The following PPP1R14D variants were observed in gnomAD, a reference collection of about 807,000 sequenced individuals.
The protein encoded by PPP1R14D is protein phosphatase 1 regulatory subunit 14D.
Under a neutral mutation model 17.1 loss-of-function variants are expected in PPP1R14D, and 14 were observed. That is an observed-to-expected ratio of 0.82 (90% confidence interval 0.54 to 1.28). PPP1R14D has a LOEUF of 1.28. Ranked by LOEUF, PPP1R14D falls within the 50% of genes most tolerant of loss-of-function variation. The probability of loss-of-function intolerance (pLI) is 0.00; values close to 1 mark genes in which losing one functional copy is unlikely to be tolerated. For synonymous variants in PPP1R14D, 67 were observed against 66.1 expected, an observed-to-expected ratio of 1.01 and a Z score of -0.06; for missense variants, 173 against 179.2, an observed-to-expected ratio of 0.97 and a Z score of 0.20.
At chr15:40,822,016 G>T (rs4402538) in intron 1 of PPP1R14D, among the ~76,000 whole-genome samples, 44,044 of 151,922 alleles carry the variant, frequency 0.29, 7,236 homozygotes, top group South Asian at 0.45. Context: ...AGTGGCTTAT[G>T]CCTGTAATCC....
chr15:40,817,022 G>A (rs1306677058), intron 1 of PPP1R14D, among the ~76,000 whole-genome samples: 2 of 152,044 alleles, frequency 1.3e-5, no homozygotes, highest in Non-Finnish European at 2.9e-5. Context: ...AGTGAGCGGA[G>A]ATCGTGCCAC....
intron 1 of PPP1R14D, among the ~76,000 whole-genome samples, chr15:40,818,897 A>G (rs1306934966): frequency 1.3e-5 from 2 of 152,200 alleles, no homozygotes; most frequent in African/African-American, 4.8e-5. Context: ...ATTGTAACAA[A>G]TAATATATAA....
At chr15:40,816,065 A>G (rs1349427036) in intron 2 of PPP1R14D, 71 bp from the exon 3 acceptor site, 1 of 1,604,554 alleles carries the variant, frequency 6.2e-7, no homozygotes, top group Non-Finnish European at 8.5e-7. Context: ...CAATCTCCCA[A>G]GAATTCTCCC....
intron 1 of PPP1R14D, among the ~76,000 whole-genome samples, chr15:40,818,585 A>G (rs1890716869): frequency 6.6e-6 from 1 of 152,038 alleles, no homozygotes; most frequent in African/African-American, 2.4e-5. Context: ...GCAGAAAAGT[A>G]GAGACCCTGT....
chr15:40,821,398 G>A (rs1890774066), intron 1 of PPP1R14D, among the ~76,000 whole-genome samples: 1 of 151,620 alleles, frequency 6.6e-6, no homozygotes, highest in Non-Finnish European at 1.5e-5. Context: ...TATTTTAAAT[G>A]TAAACCTTAC....
chr15:40,828,697 A>G lies in PPP1R14D; in HGVS notation c.-56T>C. 6.5e-7 allele frequency: 1 copy of G among 1,537,722 alleles called. No individual in the cohort carries two copies. The highest frequency in any genetic ancestry group is 8.8e-7 in the Non-Finnish European group (1 of 1,141,682). ...AAAACCGCCAGTTCTGAGCAGAGCC[A>G]CAGAGGGAAGTGAGGAGACAGAGAA... On this transcript the variant is annotated 5_prime_UTR_variant, in exon 1 of 4. Coordinates refer to ENST00000299174, the MANE Select transcript of PPP1R14D (RefSeq NM_017726.8).
At chr15:40,816,308 A>C (rs1217286284) in intron 1 of PPP1R14D, 55 bp from the exon 2 acceptor site, 1 of 1,469,258 alleles carries the variant, frequency 6.8e-7, no homozygotes, top group Non-Finnish European at 9.5e-7. Flanking sequence ...TGCTGGAATG[A>C]AGGTTACTGT....
chr15:40,817,667 T>G (rs1433717607), intron 1 of PPP1R14D, among the ~76,000 whole-genome samples: 1 of 148,918 alleles, frequency 6.7e-6, no homozygotes, highest in African/African-American at 2.5e-5. Context: ...CAGGCTGGAG[T>G]GCAGTGGCAT....
intron 1 of PPP1R14D, among the ~76,000 whole-genome samples, chr15:40,826,426 G>A (rs558351061): frequency 6.6e-5 from 10 of 152,302 alleles, no homozygotes; most frequent in Non-Finnish European, 1.3e-4. Context: ...TCTCAGCCCA[G>A]CCACACATTA....
At chr15:40,819,266 G>T (rs191587597) in intron 1 of PPP1R14D, among the ~76,000 whole-genome samples, 3 of 152,144 alleles carry the variant, frequency 2.0e-5, no homozygotes, top group East Asian at 3.8e-4. Context: ...AAATGTCAAC[G>T]TACTGAAAAA....
intron 1 of PPP1R14D, among the ~76,000 whole-genome samples, chr15:40,825,563 A>C (rs1278231238): frequency 6.6e-6 from 1 of 152,202 alleles, no homozygotes; most frequent in Non-Finnish European, 1.5e-5. Flanking sequence ...ATATTAAACA[A>C]GTAGAGTGTT....
chr15:40,825,075 G>A (rs1415303542), intron 1 of PPP1R14D, among the ~76,000 whole-genome samples: 2 of 152,086 alleles, frequency 1.3e-5, no homozygotes, highest in Admixed American at 6.6e-5. Context: ...CCTGAAGTCA[G>A]TAGTTTGAGA....
intron 1 of PPP1R14D, among the ~76,000 whole-genome samples, chr15:40,820,889 A>G (rs1890764479): frequency 6.8e-6 from 1 of 147,860 alleles, no homozygotes; most frequent in South Asian, 2.1e-4. Flanking sequence ...AAATAAAGAA[A>G]GAAATAAAAG....
rs1181043787 is a variant in PPP1R14D at position 40,815,761 on chromosome 15, C to CAG, written c.373-1_373insCT (p.Ala125LeufsTer39). On this transcript the variant is annotated frameshift_variant and splice_region_variant. Coordinates refer to ENST00000299174, the MANE Select transcript of PPP1R14D (RefSeq NM_017726.8). LOFTEE classifies it high-confidence loss of function. The stretch of plus-strand genomic sequence containing the variant: ...TGACTGAGCAGCTCAGAGATAAAAG[C>CAG]CTGAGGGAGAAACAGGAGTGAGACC... 3.1e-6 allele frequency: 5 copies of CAG among 1,607,100 alleles called. No homozygotes were observed. Among genetic ancestry groups the CAG allele is most frequent in the Non-Finnish European group, 4.3e-6 (5 of 1,175,606 alleles).
chr15:40,817,612 CTT>C (rs34000020), intron 1 of PPP1R14D, among the ~76,000 whole-genome samples: 2,497 of 124,180 alleles, frequency 0.02, 63 homozygotes, highest in African/African-American at 0.067. Context: ...CAAAACTAAA[CTT>C]TTTTTTTTTT....
intron 3 of PPP1R14D, 64 bp from the exon 4 acceptor site, chr15:40,815,825 C>CCAAAAA: frequency 6.6e-7 from 1 of 1,507,632 alleles, no homozygotes; most frequent in South Asian, 1.2e-5. Context: ...CCTGCCCTCC[C>CCAAAAA]TAATCTTCCC....
Position 40,815,646 on chromosome 15 carries a change from T to G in PPP1R14D, c.*50A>C. On this transcript the variant is annotated 3_prime_UTR_variant, in exon 4 of 4. Transcript: ENST00000299174. ...TTCCCTCTTAGCCAGGATCTGGAGTTTCAGGGCAGGCCTGGCAGTGCTGAG... is the reference window on the plus strand; with the variant it reads ...TTCCCTCTTAGCCAGGATCTGGAGTGTCAGGGCAGGCCTGGCAGTGCTGAG... 1 of 1,596,154 alleles carries G rather than the reference T, an allele frequency of 6.3e-7. No homozygotes were observed. The highest frequency in any genetic ancestry group is 1.1e-5 in the South Asian group (1 of 88,532).
In PPP1R14D at chr15:40,815,764, G is replaced by C; in HGVS notation, c.373-3C>G. 6.2e-7 allele frequency: 1 copy of C among 1,606,574 alleles called. No homozygotes were observed. The highest frequency in any genetic ancestry group is 8.5e-7 in the Non-Finnish European group (1 of 1,175,184). On this transcript the variant is annotated splice_polypyrimidine_tract_variant and splice_region_variant and intron_variant, in intron 3 of 3. Transcript: ENST00000299174. ...CTGAGCAGCTCAGAGATAAAAGCCTGAGGGAGAAACAGGAGTGAGACCAGG... is the reference window on the plus strand; with the variant it reads ...CTGAGCAGCTCAGAGATAAAAGCCTCAGGGAGAAACAGGAGTGAGACCAGG...
intron 1 of PPP1R14D, among the ~76,000 whole-genome samples, chr15:40,823,360 G>A (rs1008039766): frequency 8.6e-5 from 13 of 151,824 alleles, no homozygotes; most frequent in Non-Finnish European, 1.6e-4. Flanking sequence ...CTCCTGCCTC[G>A]GCCTCTCAAG....
Sources: allele counts gnomAD v4.1 joint callset (sites outside exome capture counted in the v4.1 genomes callset), GRCh38; gene constraint gnomAD v4.1.1; transcripts MANE v1.5; gene names NCBI Gene and HGNC (gene_info 2026-07-23, HGNC 2026-07-21).